THEMIS: variants seen among roughly 807,000 people sequenced by gnomAD.
The protein encoded by THEMIS is protein THEMIS.
In THEMIS, 37 loss-of-function variants were observed where a neutral mutation model predicts 52.6. The observed-to-expected ratio is 0.70, with a 90% CI of 0.54 to 0.93. The LOEUF is 0.93. Among genes scored for constraint, THEMIS ranks in the 40% least tolerant of loss-of-function variants. The pLI is 0.00. For missense variants in THEMIS, 808 were observed against 763.1 expected (o/e 1.06, Z -0.69); for synonymous variants, 292 against 272.7 (o/e 1.07, Z -0.70).
At chr6:127,906,066 T>C (rs1268581353) in intron 1 of THEMIS, among the ~76,000 whole-genome samples, 2 of 151,170 alleles carry the variant, frequency 1.3e-5, no homozygotes, top group Non-Finnish European at 3.0e-5. Flanking sequence ...AATAGTTTAA[T>C]AGTTCAAGTA....
intron 4 of THEMIS, among the ~76,000 whole-genome samples, chr6:127,734,114 A>G (rs964527956): frequency 2.0e-5 from 3 of 152,230 alleles, no homozygotes; most frequent in Non-Finnish European, 4.4e-5. Context: ...GAGAAAAAAA[A>G]TAGGAGGAAA....
chr6:127,698,818 T>C, the THEMIS span, among the ~76,000 whole-genome samples: 2 of 146,186 alleles, frequency 1.4e-5, no homozygotes, highest in Non-Finnish European at 3.1e-5. Flanking sequence ...CTTCATTTTG[T>C]GAGTTCCTAA....
At chr6:127,765,065 G>A (rs1420028505) in intron 4 of THEMIS, among the ~76,000 whole-genome samples, 1 of 151,986 alleles carries the variant, frequency 6.6e-6, no homozygotes, top group African/African-American at 2.4e-5. Flanking sequence ...AATTCTCAAA[G>A]TCAAGAACAC....
At chr6:127,713,013 C>T (rs1257298959) in intron 5 of THEMIS, among the ~76,000 whole-genome samples, 1 of 151,858 alleles carries the variant, frequency 6.6e-6, no homozygotes, top group Admixed American at 6.6e-5. Flanking sequence ...GAGTGCCAGT[C>T]CCCTGAAATT....
At chr6:127,714,770 A>G (rs1436613045) in intron 5 of THEMIS, among the ~76,000 whole-genome samples, 1 of 151,856 alleles carries the variant, frequency 6.6e-6, no homozygotes, top group Non-Finnish European at 1.5e-5. Context: ...AGGGGTTAAT[A>G]TTTCTGTTCA....
chr6:127,822,645 T>C (rs1193992685), intron 3 of THEMIS, among the ~76,000 whole-genome samples: 1 of 152,162 alleles, frequency 6.6e-6, no homozygotes, highest in Non-Finnish European at 1.5e-5. Context: ...TTGTAATGGT[T>C]AGTTTTACAT....
intron 2 of THEMIS, among the ~76,000 whole-genome samples, chr6:127,841,206 G>A (rs1185454164): frequency 6.6e-6 from 1 of 151,938 alleles, no homozygotes; most frequent in Non-Finnish European, 1.5e-5. Flanking sequence ...CATGTTGGGG[G>A]TCAGGAAGTA....
intron 3 of THEMIS, among the ~76,000 whole-genome samples, chr6:127,828,303 C>A (rs2114656004): frequency 6.6e-6 from 1 of 152,302 alleles, no homozygotes; most frequent in South Asian, 2.1e-4. Context: ...ATCTCAATTA[C>A]TCATCTCAAC....
chr6:127,809,234 T>C (rs1777819538), intron 4 of THEMIS, among the ~76,000 whole-genome samples: 1 of 152,166 alleles, frequency 6.6e-6, no homozygotes, highest in South Asian at 2.1e-4. Flanking sequence ...TAATGGCTGA[T>C]TCCTACCTAT....
chr6:127,868,435 T>A (rs1780051911), intron 1 of THEMIS: 2 of 985,232 alleles, frequency 2.0e-6, no homozygotes, highest in Admixed American at 1.2e-4. Context: ...AAGATGGACT[T>A]AGATTGGGGA....
intron 2 of THEMIS, among the ~76,000 whole-genome samples, chr6:127,845,446 T>C (rs1779181153): frequency 6.6e-6 from 1 of 151,908 alleles, no homozygotes. Flanking sequence ...TTTGTGGCAC[T>C]TTAACTTGTA....
chr6:127,911,408 G>A (rs1478957250), intron 1 of THEMIS, among the ~76,000 whole-genome samples: 1 of 150,280 alleles, frequency 6.7e-6, no homozygotes, highest in Non-Finnish European at 1.5e-5. Context: ...ATGGGTTTAT[G>A]GATATATATA....
chr6:127,759,843 C>T (rs2114380331), intron 4 of THEMIS, among the ~76,000 whole-genome samples: 1 of 110,842 alleles, frequency 9.0e-6, no homozygotes, highest in East Asian at 3.0e-4. Context: ...TCCCTCCCTC[C>T]CTCCCTCCCT....
At chr6:127,750,085 T>C (rs1357514373) in intron 4 of THEMIS, among the ~76,000 whole-genome samples, 2 of 150,112 alleles carry the variant, frequency 1.3e-5, no homozygotes, top group Non-Finnish European at 3.0e-5. Context: ...TTATAATCAT[T>C]GTTATTACAG....
chr6:127,749,010 G>A (rs1562233063), intron 4 of THEMIS, among the ~76,000 whole-genome samples: 1 of 151,988 alleles, frequency 6.6e-6, no homozygotes, highest in Admixed American at 6.6e-5. Flanking sequence ...GAGGGAGTGG[G>A]ATAAGATGAA....
chr6:127,729,199 T>C (rs1334943165), intron 4 of THEMIS, among the ~76,000 whole-genome samples: 1 of 89,050 alleles, frequency 1.1e-5, no homozygotes, highest in Admixed American at 1.2e-4. Flanking sequence ...TCTCTCTCTC[T>C]CTCTTCACTC....
intron 4 of THEMIS, among the ~76,000 whole-genome samples, chr6:127,771,296 C>T (rs1445084400): frequency 6.6e-6 from 1 of 152,118 alleles, no homozygotes; most frequent in Non-Finnish European, 1.5e-5. Context: ...ATTCCATGCT[C>T]ATGGATAGGA....
chr6:127,697,133 A>C, the THEMIS span, among the ~76,000 whole-genome samples: 3,632 of 152,248 alleles, frequency 0.024, 143 homozygotes, highest in African/African-American at 0.083. Context: ...TAATGTGTCC[A>C]AAACTGAGCC....
chr6:127,902,339 A>AAAAAAAT (rs1562331134), upstream of THEMIS, among the ~76,000 whole-genome samples: 2 of 147,136 alleles, frequency 1.4e-5, no homozygotes, highest in Non-Finnish European at 3.0e-5. Context: ...AAAAAAAAAA[A>AAAAAAAT]AAAAAATAAA....
Sources: gnomAD v4.1 joint callset for allele counts (sites outside exome capture counted in the v4.1 genomes callset) on GRCh38, gnomAD v4.1.1 for gene constraint, MANE v1.5 for transcripts, NCBI Gene and HGNC (gene_info 2026-07-23, HGNC 2026-07-21) for gene names.